ROS1: variants seen among roughly 807,000 people sequenced by gnomAD.
ROS1 encodes proto-oncogene tyrosine-protein kinase ROS.
A neutral mutation model predicts 273.5 loss-of-function variants in ROS1; 263 were observed. The observed-to-expected ratio is 0.96, with a 90% CI of 0.87 to 1.06. The LOEUF is 1.06. Ranked by LOEUF, ROS1 falls within the 50% of genes least tolerant of loss-of-function variation. The pLI, the probability that ROS1 is intolerant of heterozygous loss-of-function variation, is 0.00. For missense variants in ROS1, 2,833 were observed against 2,751.1 expected, an observed-to-expected ratio of 1.03 and a Z score of -0.67; for synonymous variants, 1,008 against 954.1, an observed-to-expected ratio of 1.06 and a Z score of -1.04.
intron 34 of ROS1, among the ~76,000 whole-genome samples, chr6:117,325,073 T>C (rs1776538872): frequency 6.6e-6 from 1 of 152,162 alleles, no homozygotes; most frequent in Non-Finnish European, 1.5e-5. Context: ...TATTTACTAT[T>C]TGGTTCTTTT....
rs565892633 is a variant in ROS1 at position 117,288,792 on chromosome 6, G to A, written c.6726C>T (p.Gly2242=). ...CATCTGAATTCAAACAAATCACATC[G>A]CCATCTTCACCTGTGAAAAAAATAT... The part of the protein sequence containing the change: ...VINESFEGED[G]DVICLNSDDI... Residue 2242 remains glycine, a synonymous_variant, in exon 44 of 44, where the codon GGC becomes GGT. Coordinates refer to ENST00000368507, the MANE Select transcript of ROS1 (RefSeq NM_001378902.1). 1.5e-5 allele frequency: 24 copies of A among 1,594,098 alleles called. No homozygotes were observed. In the Middle Eastern group the frequency reaches 6.7e-4, roughly 45 times the overall value.
intron 38 of ROS1, 137 bp downstream of exon 38, chr6:117,318,051 A>T (rs1354103109): frequency 2.8e-5 from 19 of 673,018 alleles, no homozygotes; most frequent in Non-Finnish European, 4.0e-5. Context: ...TGCTCTGCAG[A>T]TGTAGTTCCA....
At chr6:117,353,273 T>C in intron 26 of ROS1, 107 bp from the exon 27 acceptor site, 2 of 745,122 alleles carry the variant, frequency 2.7e-6, no homozygotes, top group Non-Finnish European at 4.1e-6. Context: ...AAATTTTGAA[T>C]CTATTATTTC....
intron 32 of ROS1, among the ~76,000 whole-genome samples, chr6:117,330,810 G>C (rs754143142): frequency 1.4e-4 from 22 of 151,954 alleles, no homozygotes; most frequent in Non-Finnish European, 2.6e-4. Flanking sequence ...ACAACAACAA[G>C]GGCCCCCACA....
At chr6:117,394,023 T>C (rs1773286909) in intron 11 of ROS1, 139 bp downstream of exon 11, 3 of 507,618 alleles carry the variant, frequency 5.9e-6, no homozygotes, top group Non-Finnish European at 9.9e-6. Flanking sequence ...CTATGATTCA[T>C]TGATAACCTA....
chr6:117,360,445 T>G lies in ROS1; in HGVS notation c.3367-40A>C, dbSNP rs537384482. On this transcript the variant is annotated intron_variant, in intron 22 of 43. Coordinates refer to ENST00000368507, the MANE Select transcript of ROS1 (RefSeq NM_001378902.1). ...ACAAAAATTGCATTCAGTAGTGTTC[T>G]CCGTGGCAACAATTAAGTTCTGAGA... 3.8e-5 allele frequency: 54 copies of G among 1,418,722 alleles called. 1 individual carries two copies. The South Asian group carries it at 6.1e-4, about 16-fold the overall frequency. The allele number at this position is 1,418,722 out of a possible 1,614,324, so 87.9% of individuals were successfully genotyped here.
intron 18 of ROS1, among the ~76,000 whole-genome samples, chr6:117,369,043 A>G (rs1780510368): frequency 6.6e-6 from 1 of 152,120 alleles, no homozygotes; most frequent in African/African-American, 2.4e-5. Context: ...TTATATTTGT[A>G]TTGGACAAAG....
intron 5 of ROS1, among the ~76,000 whole-genome samples, chr6:117,409,014 T>C (rs1236517600): frequency 1.5e-5 from 2 of 130,950 alleles, no homozygotes; most frequent in Non-Finnish European, 3.1e-5. Context: ...AATTGAACAA[T>C]GAGAACACAT....
Position 117,359,936 on chromosome 6 carries a change from A to T in ROS1, c.3506T>A (p.Val1169Asp). 1 of 1,613,926 alleles carries T rather than the reference A, an allele frequency of 6.2e-7. No homozygotes were observed. The highest frequency in any genetic ancestry group is 8.5e-7 in the Non-Finnish European group (1 of 1,179,868). Reference sequence around the variant, plus strand: ...TCTTTCTGCTGAAAACGTCCACACAACTTGATTTTGATCCATATCTAAAAA... The same window carrying T: ...TCTTTCTGCTGAAAACGTCCACACATCTTGATTTTGATCCATATCTAAAAA... Reference protein sequence around the residue: ...IVFLDMDQNQVVWTFSAERVI... With the variant: ...IVFLDMDQNQDVWTFSAERVI... Residue 1169 changes from valine to aspartate, a missense_variant, in exon 24 of 44, where the codon GTT (valine) becomes GAT (aspartate). By Grantham distance (152) the Val-to-Asp change is radical (BLOSUM62 -3). Coordinates refer to ENST00000368507, the MANE Select transcript of ROS1 (RefSeq NM_001378902.1).
intron 24 of ROS1, 59 bp downstream of exon 24, chr6:117,359,750 T>C (rs1457322961): frequency 4.5e-6 from 6 of 1,341,422 alleles, no homozygotes; most frequent in Non-Finnish European, 6.4e-6. Flanking sequence ...AACTACAAAG[T>C]AGTGTCATAT....
intron 29 of ROS1, 126 bp downstream of exon 29, chr6:117,342,274 T>G (rs1777994182): frequency 2.2e-6 from 2 of 893,784 alleles, no homozygotes; most frequent in Non-Finnish European, 1.7e-6. Flanking sequence ...CACATTTTTC[T>G]TATTAAACTT....
At chr6:117,293,880 G>A (rs1336936562) in intron 43 of ROS1, among the ~76,000 whole-genome samples, 1 of 152,084 alleles carries the variant, frequency 6.6e-6, no homozygotes, top group African/African-American at 2.4e-5. Context: ...TATCCCTGAT[G>A]AACACAGATG....
At chr6:117,289,330 T>G (rs1262852229) in intron 43 of ROS1, among the ~76,000 whole-genome samples, 1 of 152,238 alleles carries the variant, frequency 6.6e-6, no homozygotes, top group Admixed American at 6.5e-5. Flanking sequence ...TGTGTTCTAG[T>G]TATTGATGGA....
chr6:117,396,184 A>G lies in ROS1; in HGVS notation c.883+4T>C, dbSNP rs1436563666. 1 of 1,612,138 alleles carries G rather than the reference A, an allele frequency of 6.2e-7. No homozygotes were observed. The highest frequency in any genetic ancestry group is 2.2e-5 in the East Asian group (1 of 44,874). On this transcript the variant is annotated splice_donor_region_variant and intron_variant, in intron 9 of 43. Transcript: ENST00000368507. The stretch of plus-strand genomic sequence containing the variant: ...GTAGCTAAAGGAAGAAGCCTGACCC[A>G]TACCTGCTGAAGATGAAGTGGTAAT...
chr6:117,399,914 T>C (rs2128720470), intron 7 of ROS1, among the ~76,000 whole-genome samples: 1 of 152,374 alleles, frequency 6.6e-6, no homozygotes, highest in Middle Eastern at 3.4e-3. Flanking sequence ...AATTCTCTTT[T>C]TGAGAAGCAA....
rs756425235 is a variant in ROS1, at chr6:117,326,270, C to T, written c.5493G>A (p.Gly1831=). 1 of 1,601,138 alleles carries T rather than the reference C, an allele frequency of 6.2e-7. No homozygotes were observed. The highest frequency in any genetic ancestry group is 1.8e-5 in the Admixed American group (1 of 56,532). The change falls in exon 34 of 44, where the codon GGG becomes GGA. Residue 1831 remains glycine, a synonymous_variant. Coordinates refer to ENST00000368507, the MANE Select transcript of ROS1 (RefSeq NM_001378902.1). The part of the protein sequence containing the change: ...QFRVVAANNL[G]FGEYSGISEN... ...CACTGATTCCACTATATTCACCAAA[C>T]CCTAGATTATTTGCAGCTACTACTC...
intron 43 of ROS1, among the ~76,000 whole-genome samples, chr6:117,297,796 C>A (rs184844655): frequency 6.6e-6 from 1 of 151,980 alleles, no homozygotes; most frequent in Non-Finnish European, 1.5e-5. Context: ...ACAACTTTTA[C>A]GGAAAACAGT....
At chr6:117,310,481 C>A (rs183812658) in intron 40 of ROS1, among the ~76,000 whole-genome samples, 200 bp from the exon 41 acceptor site, 5 of 151,686 alleles carry the variant, frequency 3.3e-5, no homozygotes, top group Admixed American at 3.3e-4. Context: ...ACCTATCAAC[C>A]TGTCATCTAG....
At chr6:117,298,661 T>A (rs1774441890) in intron 43 of ROS1, among the ~76,000 whole-genome samples, 1 of 152,186 alleles carries the variant, frequency 6.6e-6, no homozygotes, top group Non-Finnish European at 1.5e-5. Context: ...TGTAGTCTTA[T>A]GACAAGGACA....
Sources: gnomAD v4.1 joint callset for allele counts (sites outside exome capture counted in the v4.1 genomes callset) on GRCh38, gnomAD v4.1.1 for gene constraint, MANE v1.5 for transcripts, NCBI Gene and HGNC (gene_info 2026-07-23, HGNC 2026-07-21) for gene names.